STS: variants seen among roughly 807,000 people sequenced by gnomAD.
STS encodes steroid sulfatase.
A neutral mutation model predicts 26.8 loss-of-function variants in STS; 7 were observed. The ratio of observed to expected loss-of-function variants is 0.26; its 90% CI spans 0.15 to 0.49. STS has a LOEUF of 0.49. Among genes scored for constraint, STS ranks in the 20% least tolerant of loss-of-function variants. The pLI is 0.98. For synonymous variants in STS, 199 were observed against 189.4 expected, an observed-to-expected ratio of 1.05 and a Z score of -0.42; for missense variants, 434 against 465.6, an observed-to-expected ratio of 0.93 and a Z score of 0.63.
chrX:7,324,161 A>G (rs1211517881), intron 8 of STS, among the ~76,000 whole-genome samples: 1 of 108,537 alleles, frequency 9.2e-6, no homozygotes, highest in Non-Finnish European at 1.9e-5. Flanking sequence ...GCATGAGTCA[A>G]AATCGGGGGG....
At chrX:7,270,548 TTC>T (rs1924218548) in intron 6 of STS, among the ~76,000 whole-genome samples, 1 of 111,991 alleles carries the variant, frequency 8.9e-6, no homozygotes, top group Admixed American at 9.5e-5. Context: ...AAGTATGCTT[TTC>T]TCTGTTTTCT....
chrX:7,171,973 T>C lies in STS; in HGVS notation c.-133-18907T>C, dbSNP rs770322267. Among the ~76,000 whole-genome samples the C allele has an allele frequency of 3.6e-5, 4 of 112,391 alleles. No homozygotes were observed. The East Asian group carries it at 1.1e-3, about 31-fold the overall frequency. On this transcript the variant is annotated intron_variant, in intron 1 of 10. Coordinates refer to ENST00000674429, the MANE Select transcript of STS (RefSeq NM_001320752.2). ...TTCACCGAGTTGTACAATTCAATGGTTTTTATTAAATTACCAAGTTGCGCG... is the reference window on the plus strand; with the variant it reads ...TTCACCGAGTTGTACAATTCAATGGCTTTTATTAAATTACCAAGTTGCGCG...
At chrX:7,323,494 C>T (rs1481117875) in intron 8 of STS, among the ~76,000 whole-genome samples, 1 of 111,513 alleles carries the variant, frequency 9.0e-6, no homozygotes, top group Non-Finnish European at 1.9e-5. Flanking sequence ...TCTGTTCCTG[C>T]ATTAATTCAC....
rs190302751 is a variant in STS, at chrX:7,253,536, G to T, written c.137+200G>T. On this transcript the variant is annotated intron_variant, in intron 3 of 10. Coordinates refer to ENST00000674429, the MANE Select transcript of STS (RefSeq NM_001320752.2). The stretch of plus-strand genomic sequence containing the variant: ...GTTTATCTGTTTGACTATGAACAGG[G>T]AGCTGGATGAGCTCAGGGAGATCAC... Among the ~76,000 whole-genome samples, 111 of 112,293 alleles carry T rather than the reference G, an allele frequency of 9.9e-4. 1 individual carries two copies. Among genetic ancestry groups the T allele is most frequent in the Non-Finnish European group, 1.7e-3 (89 of 53,255 alleles).
intron 10 of STS, among the ~76,000 whole-genome samples, chrX:7,349,412 T>C (rs1462007505): frequency 1.2e-5 from 1 of 82,453 alleles, no homozygotes; most frequent in African/African-American, 4.8e-5. Context: ...CTCAGCTCAC[T>C]GCAACCACCA....
chrX:7,288,471 A>G (rs962260171), intron 7 of STS, among the ~76,000 whole-genome samples: 2 of 111,342 alleles, frequency 1.8e-5, no homozygotes, highest in Non-Finnish European at 3.8e-5. Flanking sequence ...TGTGAGCATC[A>G]TGTTGACACT....
At chrX:7,263,400 T>A (rs1383452736) in intron 6 of STS, among the ~76,000 whole-genome samples, 1 of 112,958 alleles carries the variant, frequency 8.9e-6, no homozygotes, top group Non-Finnish European at 1.9e-5. Flanking sequence ...TATTTTTTCC[T>A]GTACCTTTTC....
chrX:7,335,145 A>T (rs959526941), intron 10 of STS, among the ~76,000 whole-genome samples: 13 of 112,351 alleles, frequency 1.2e-4, no homozygotes, highest in Admixed American at 3.8e-4. Context: ...GCTGGATCAA[A>T]TGGTATTTCT....
At chrX:7,205,252 G>C (rs761656798) in intron 2 of STS, among the ~76,000 whole-genome samples, 10 of 112,447 alleles carry the variant, frequency 8.9e-5, no homozygotes, top group African/African-American at 1.6e-4. Context: ...CAACATCCTG[G>C]TTTCATAGTG....
At chrX:7,250,972 GTTTC>G (rs1223421727) in intron 2 of STS, among the ~76,000 whole-genome samples, 1 of 112,426 alleles carries the variant, frequency 8.9e-6, no homozygotes, top group Admixed American at 9.4e-5. Context: ...TTGTTTGATT[GTTTC>G]TTTGAGTATT....
chrX:7,248,843 A>G (rs1472720289), intron 2 of STS, among the ~76,000 whole-genome samples: 1 of 111,286 alleles, frequency 9.0e-6, no homozygotes, highest in African/African-American at 3.3e-5. Context: ...GAAACTCTGT[A>G]TCTATTAAAT....
chrX:7,208,095 T>A (rs2147035825), intron 2 of STS, among the ~76,000 whole-genome samples: 1 of 112,485 alleles, frequency 8.9e-6, no homozygotes, highest in South Asian at 3.7e-4. Flanking sequence ...TCACATACGG[T>A]GATACAAAGC....
intron 7 of STS, among the ~76,000 whole-genome samples, chrX:7,294,969 G>C (rs1190259695): frequency 9.0e-6 from 1 of 111,686 alleles, no homozygotes; most frequent in Non-Finnish European, 1.9e-5. Flanking sequence ...AAGATATCTG[G>C]GTTCAAAGTT....
chrX:7,323,137 C>T (rs1394628055), intron 8 of STS, among the ~76,000 whole-genome samples: 5 of 111,702 alleles, frequency 4.5e-5, no homozygotes, highest in Admixed American at 1.9e-4. Flanking sequence ...AAAGCTGAAG[C>T]TATTTTCTCA....
intron 10 of STS, among the ~76,000 whole-genome samples, chrX:7,338,191 G>C (rs1490588919): frequency 9.0e-6 from 1 of 111,565 alleles, no homozygotes; most frequent in Non-Finnish European, 1.9e-5. Context: ...TTTAATGTTT[G>C]ACATATGAAT....
intron 7 of STS, among the ~76,000 whole-genome samples, chrX:7,285,302 G>A (rs990207493): frequency 1.8e-5 from 2 of 111,171 alleles, no homozygotes; most frequent in Non-Finnish European, 3.8e-5. Flanking sequence ...GATTGTGTTT[G>A]GAAAATGGAA....
At chrX:7,332,519 T>C (rs954884460) in intron 9 of STS, among the ~76,000 whole-genome samples, 13 of 110,366 alleles carry the variant, frequency 1.2e-4, no homozygotes, top group African/African-American at 4.3e-4. Flanking sequence ...TGGGGAGTCA[T>C]TGAAAGACAT....
intron 10 of STS, among the ~76,000 whole-genome samples, chrX:7,340,056 CAAAAAAA>C (rs202100721): frequency 3.6e-5 from 2 of 55,805 alleles, no homozygotes; most frequent in African/African-American, 6.8e-5. Context: ...TTCTTGAATA[CAAAAAAA>C]AAAAAAAAAG....
chrX:7,319,836 C>T (rs966733635), intron 8 of STS, among the ~76,000 whole-genome samples: 1 of 105,290 alleles, frequency 9.5e-6, no homozygotes, highest in African/African-American at 3.5e-5. Flanking sequence ...TCAGACAAAC[C>T]TGGATTTCTA....
Sources: allele counts gnomAD v4.1 joint callset (sites outside exome capture counted in the v4.1 genomes callset), GRCh38; gene constraint gnomAD v4.1.1; transcripts MANE v1.5; gene names NCBI Gene and HGNC (gene_info 2026-07-23, HGNC 2026-07-21).